Variants in DNAJC3 observed in about 807,000 individuals in gnomAD.
The protein encoded by DNAJC3 is DnaJ heat shock protein family (Hsp40) member C3.
A neutral mutation model predicts 68.6 loss-of-function variants in DNAJC3; 38 were observed. The observed-to-expected ratio is 0.55, with a 90% confidence interval of 0.43 to 0.73. DNAJC3 has a LOEUF of 0.73. Ranked by LOEUF, DNAJC3 falls within the 30% of genes least tolerant of loss-of-function variation. The pLI, the probability that DNAJC3 is intolerant of heterozygous loss-of-function variation, is 0.00. For synonymous variants in DNAJC3, 203 were observed against 204.0 expected (o/e 1.00, Z 0.04); for missense variants, 526 against 591.9 (o/e 0.89, Z 1.16).
chr13:95,738,687 T>C (rs1422113053), intron 4 of DNAJC3, among the ~76,000 whole-genome samples: 1 of 152,208 alleles, frequency 6.6e-6, no homozygotes, highest in Admixed American at 6.5e-5. Flanking sequence ...TAGATCTTCC[T>C]CCATCCTTTT....
Position 95,741,468 on chromosome 13 carries a change from C to G in DNAJC3, c.394-16176C>G, listed in dbSNP as rs1450939746. Among the ~76,000 whole-genome samples the G allele has an allele frequency of 4.6e-5, 7 of 152,202 alleles. No homozygotes were observed. In the East Asian group the frequency reaches 1.2e-3, roughly 25 times the overall value. On this transcript the variant is annotated intron_variant, in intron 4 of 11. Transcript: ENST00000602402. ...CTAGTGGGGGCAATAACAGGCCAAACATGCCTAACTTAGGGCTTCAAGGTG... is the reference window on the plus strand; with the variant it reads ...CTAGTGGGGGCAATAACAGGCCAAAGATGCCTAACTTAGGGCTTCAAGGTG...
At chr13:95,720,603 A>G (rs1203680550) in intron 2 of DNAJC3, among the ~76,000 whole-genome samples, 3 of 152,190 alleles carry the variant, frequency 2.0e-5, no homozygotes, top group African/African-American at 4.8e-5. Flanking sequence ...GAACTGAAAA[A>G]TACTGTATAT....
At chr13:95,725,311 C>A (rs2139643418) in intron 4 of DNAJC3, 59 bp downstream of exon 4, 3 of 1,302,810 alleles carry the variant, frequency 2.3e-6, no homozygotes, top group South Asian at 1.5e-5. Flanking sequence ...CGTATTTGAC[C>A]TTTTTTATAT....
intron 1 of DNAJC3, among the ~76,000 whole-genome samples, chr13:95,704,851 GTTTT>G (rs1193979630): frequency 6.1e-5 from 6 of 97,852 alleles, no homozygotes; most frequent in Admixed American, 2.0e-4. Context: ...GTGTGTGTGT[GTTTT>G]TTTTTTTTTT....
chr13:95,765,037 C>G (rs545991961), intron 9 of DNAJC3, among the ~76,000 whole-genome samples: 1 of 152,080 alleles, frequency 6.6e-6, no homozygotes, highest in East Asian at 1.9e-4. Context: ...GAATCTTGCT[C>G]CTAAGCAAGT....
rs548358352 is a variant in DNAJC3, at chr13:95,740,097, G to T, written c.393+14845G>T. Among the ~76,000 whole-genome samples, 8 of 149,504 alleles carry T rather than the reference G, an allele frequency of 5.4e-5. No homozygotes were observed. The East Asian group carries it at 1.5e-3, about 29-fold the overall frequency. ...TGTGAGGTGTCAGTGTGCCCCTGCTGGGGGGTGCCTCCCAGTTAGGCTGCT... is the reference window on the plus strand; with the variant it reads ...TGTGAGGTGTCAGTGTGCCCCTGCTTGGGGGTGCCTCCCAGTTAGGCTGCT... On this transcript the variant is annotated intron_variant, in intron 4 of 11. Transcript: ENST00000602402.
In DNAJC3 at chr13:95,760,679, T is replaced by C. The variant is rs1882795638; in HGVS notation, c.729T>C (p.Ser243=). Residue 243 remains serine (S), a splice_region_variant and synonymous_variant, in exon 7 of 12, where the codon AGT becomes AGC. Coordinates refer to ENST00000602402, the MANE Select transcript of DNAJC3 (RefSeq NM_006260.5). ...TTTCCTTTTTTAAATACATGAACAGTGAAGTTCGGGAATGTCTTAAACTTG... is the reference window on the plus strand; with the variant it reads ...TTTCCTTTTTTAAATACATGAACAGCGAAGTTCGGGAATGTCTTAAACTTG... ...YQLGDHELSL[S]EVRECLKLDQ... 1.9e-6 allele frequency: 3 copies of C among 1,606,676 alleles called. No homozygotes were observed. Among genetic ancestry groups the C allele is most frequent in the Non-Finnish European group, 1.7e-6 (2 of 1,177,288 alleles).
At position 95,757,782 on chromosome 13, in the gene DNAJC3, G is replaced by A; in HGVS notation, c.532G>A (p.Asp178Asn). 1 of 1,542,458 alleles carries A rather than the reference G, an allele frequency of 6.5e-7. No individual in the cohort carries two copies. The highest frequency in any genetic ancestry group is 8.9e-7 in the Non-Finnish European group (1 of 1,127,806). The change falls in exon 5 of 12, where the codon GAT becomes AAT. Residue 178 changes from aspartate to asparagine, a missense_variant. Coordinates refer to ENST00000602402, the MANE Select transcript of DNAJC3 (RefSeq NM_006260.5). The stretch of plus-strand genomic sequence containing the variant: ...TTATACTGCTGCTATAGCCTTCCTT[G>A]ATAAGATTTTAGAGGTAAGTTTCTT... Reference protein sequence around the residue: ...GDYTAAIAFLDKILEVCVWDA... With the variant: ...GDYTAAIAFLNKILEVCVWDA...
chr13:95,757,928 T>A, intron 5 of DNAJC3, 132 bp downstream of exon 5: 1 of 1,006,776 alleles, frequency 9.9e-7, no homozygotes, highest in Non-Finnish European at 1.4e-6. Flanking sequence ...TTTTGCCTCT[T>A]AAGTATAAAA....
chr13:95,785,933 T>G lies in DNAJC3; in HGVS notation c.1076-6T>G. Reference sequence around the variant, plus strand: ...TAACAATATTATCTTAAACATATTTTGACAGCTATTCAGGATTATGAAACT... The same window carrying G: ...TAACAATATTATCTTAAACATATTTGGACAGCTATTCAGGATTATGAAACT... On this transcript the variant is annotated splice_region_variant and splice_polypyrimidine_tract_variant and intron_variant, in intron 9 of 11. Transcript: ENST00000602402. 1.9e-6 allele frequency: 3 copies of G among 1,577,872 alleles called. No individual in the cohort carries two copies. Among genetic ancestry groups the G allele is most frequent in the Non-Finnish European group, 2.6e-6 (3 of 1,168,010 alleles).
At chr13:95,762,499 A>T (rs1416019888) in intron 7 of DNAJC3, among the ~76,000 whole-genome samples, 1 of 152,114 alleles carries the variant, frequency 6.6e-6, no homozygotes, top group Non-Finnish European at 1.5e-5. Flanking sequence ...TCCTCCTTTG[A>T]AAGTTTTCTA....
At chr13:95,785,361 C>T (rs1359585348) in intron 9 of DNAJC3, among the ~76,000 whole-genome samples, 3 of 146,882 alleles carry the variant, frequency 2.0e-5, no homozygotes, top group South Asian at 2.3e-4. Flanking sequence ...GGAGATAATG[C>T]GGGAGGGTGG....
intron 1 of DNAJC3, among the ~76,000 whole-genome samples, chr13:95,699,564 G>C (rs1294230036): frequency 6.6e-6 from 1 of 152,144 alleles, no homozygotes; most frequent in Non-Finnish European, 1.5e-5. Flanking sequence ...GCTTACCCTG[G>C]TTTACATGGG....
intron 4 of DNAJC3, among the ~76,000 whole-genome samples, chr13:95,744,237 G>T (rs1036515109): frequency 6.6e-6 from 1 of 152,054 alleles, no homozygotes; most frequent in Non-Finnish European, 1.5e-5. Context: ...TACTGTGATT[G>T]TAAATGGTAT....
chr13:95,743,852 C>A (rs956654242), intron 4 of DNAJC3, among the ~76,000 whole-genome samples: 3 of 152,066 alleles, frequency 2.0e-5, no homozygotes, highest in Non-Finnish European at 2.9e-5. Flanking sequence ...AACCACCACG[C>A]CCGGCTGCCT....
intron 2 of DNAJC3, among the ~76,000 whole-genome samples, chr13:95,716,321 G>A (rs1428223706): frequency 6.6e-6 from 1 of 152,188 alleles, no homozygotes; most frequent in Non-Finnish European, 1.5e-5. Context: ...AGATGGGCAG[G>A]TGCAGAGGCC....
chr13:95,770,064 C>T (rs1306467463), intron 9 of DNAJC3, among the ~76,000 whole-genome samples: 6 of 152,206 alleles, frequency 3.9e-5, no homozygotes, highest in Admixed American at 2.6e-4. Flanking sequence ...CTGGGACAGA[C>T]GCTTAGAAAG....
At chr13:95,713,708 C>T (rs2139631329) in intron 2 of DNAJC3, among the ~76,000 whole-genome samples, 1 of 152,354 alleles carries the variant, frequency 6.6e-6, no homozygotes, top group Middle Eastern at 3.4e-3. Flanking sequence ...CAACCCAAGC[C>T]AGCTCTCTTT....
chr13:95,694,080 C>G (rs534474207), intron 1 of DNAJC3: 1 of 152,354 alleles, frequency 6.6e-6, no homozygotes, highest in East Asian at 1.9e-4. Context: ...CACCTGCACC[C>G]ACAGAATCCT....
Sources: gnomAD v4.1 joint callset for allele counts (sites outside exome capture counted in the v4.1 genomes callset) on GRCh38, gnomAD v4.1.1 for gene constraint, MANE v1.5 for transcripts, NCBI Gene and HGNC (gene_info 2026-07-23, HGNC 2026-07-21) for gene names.